The following NRBF2 variants were observed in gnomAD, a reference collection of about 807,000 sequenced individuals.
The protein encoded by NRBF2 is nuclear receptor binding factor 2, also known as nuclear receptor-binding factor 2.
A neutral mutation model predicts 28.5 loss-of-function variants in NRBF2; 12 were observed. The observed-to-expected ratio is 0.42, with a 90% CI of 0.27 to 0.68. The LOEUF (loss-of-function observed/expected upper bound fraction) is 0.68, where lower values mean the gene tolerates loss of function less well. Ranked by LOEUF, NRBF2 falls within the 30% of genes least tolerant of loss-of-function variation. NRBF2 has a pLI of 0.24. For missense variants in NRBF2, 274 were observed against 333.5 expected, an observed-to-expected ratio of 0.82 and a Z score of 1.39; for synonymous variants, 102 against 116.5, an observed-to-expected ratio of 0.88 and a Z score of 0.80.
chr10:63,138,554 C>T (rs1440063455), intron 1 of NRBF2, among the ~76,000 whole-genome samples: 7 of 150,462 alleles, frequency 4.7e-5, no homozygotes, highest in Non-Finnish European at 1.0e-4. Context: ...ACCATTCTAG[C>T]TAACACGGTG....
At position 63,154,041 on chromosome 10, in the gene NRBF2, C is replaced by A. The variant is rs1379847941; in HGVS notation, c.687C>A (p.Ser229Arg). 1.2e-6 allele frequency: 2 copies of A among 1,612,836 alleles called. No individual in the cohort carries two copies. Among genetic ancestry groups the A allele is most frequent in the African/African-American group, 2.7e-5 (2 of 75,000 alleles). The change falls in exon 4 of 4, where the codon AGC becomes AGA. Residue 229 changes from serine (S) to arginine (R), a missense_variant. Coordinates refer to ENST00000277746, the MANE Select transcript of NRBF2 (RefSeq NM_030759.5). Reference protein sequence around the residue: ...ADFVETSELWSLPPHAETATA... With the variant: ...ADFVETSELWRLPPHAETATA... Reference sequence around the variant, plus strand: ...TTGTAGAAACGTCAGAGTTATGGAGCTTGCCACCACATGCAGAAACTGCTA... The same window carrying A: ...TTGTAGAAACGTCAGAGTTATGGAGATTGCCACCACATGCAGAAACTGCTA...
chr10:63,147,611 CTTT>C (rs56136949), intron 2 of NRBF2, among the ~76,000 whole-genome samples: 1 of 134,140 alleles, frequency 7.5e-6, no homozygotes, highest in Non-Finnish European at 1.6e-5. Flanking sequence ...TGCTCTCAGC[CTTT>C]TTTTTTTTTT....
intron 1 of NRBF2, among the ~76,000 whole-genome samples, chr10:63,138,326 A>C (rs1841405938): frequency 6.6e-6 from 1 of 151,738 alleles, no homozygotes; most frequent in African/African-American, 2.4e-5. Context: ...AAACAAAACA[A>C]AACAAAAATT....
At chr10:63,141,540 T>C (rs558933516) in intron 1 of NRBF2, among the ~76,000 whole-genome samples, 3 of 152,244 alleles carry the variant, frequency 2.0e-5, no homozygotes. Context: ...TATTGTCTTT[T>C]GTAGTACTTA....
At chr10:63,134,261 A>G (rs1841340617) in intron 1 of NRBF2, among the ~76,000 whole-genome samples, 1 of 152,180 alleles carries the variant, frequency 6.6e-6, no homozygotes. Flanking sequence ...ACAGAACCCC[A>G]CTAACAACGG....
At chr10:63,153,159 A>G (rs1430741943) in intron 3 of NRBF2, among the ~76,000 whole-genome samples, 3 of 152,228 alleles carry the variant, frequency 2.0e-5, no homozygotes, top group Admixed American at 2.0e-4. Flanking sequence ...TGCCTTTGAA[A>G]GTATAGAATC....
At chr10:63,136,204 C>T (rs1841375825) in intron 1 of NRBF2, among the ~76,000 whole-genome samples, 1 of 150,098 alleles carries the variant, frequency 6.7e-6, no homozygotes, top group Non-Finnish European at 1.5e-5. Context: ...GCGATCTGGG[C>T]TCACTGCAGC....
rs1337085587 is a variant in NRBF2, at chr10:63,147,383, C to T, written c.115+1090C>T. Among the ~76,000 whole-genome samples, 9 of 151,658 alleles carry T rather than the reference C, an allele frequency of 5.9e-5. No individual in the cohort carries two copies. The South Asian group carries it at 8.3e-4, about 14-fold the overall frequency. On this transcript the variant is annotated intron_variant, in intron 2 of 3. Coordinates refer to ENST00000277746, the MANE Select transcript of NRBF2 (RefSeq NM_030759.5). ...CGCCCAGGCTGGAGTGCAGTGGCAC[C>T]GTCTCAGCTCACTGCAACTTCCCGC...
chr10:63,151,412 A>T (rs538918828), intron 2 of NRBF2, among the ~76,000 whole-genome samples: 1 of 152,366 alleles, frequency 6.6e-6, no homozygotes, highest in South Asian at 2.1e-4. Flanking sequence ...ATACATAGAT[A>T]AGGACATCCA....
intron 1 of NRBF2, among the ~76,000 whole-genome samples, chr10:63,137,934 A>T (rs887291782): frequency 1.3e-5 from 2 of 152,150 alleles, no homozygotes; most frequent in Non-Finnish European, 2.9e-5. Context: ...CACGTTATGT[A>T]TATTTTTTAT....
chr10:63,148,736 A>G lies in NRBF2; in HGVS notation c.115+2443A>G, dbSNP rs796676972. ...TGTCTCTTGCCTTTTGAGGAAAGGTAGGATCTACTCTTGAGGTGGACAATG... is the reference window on the plus strand; with the variant it reads ...TGTCTCTTGCCTTTTGAGGAAAGGTGGGATCTACTCTTGAGGTGGACAATG... On this transcript the variant is annotated intron_variant, in intron 2 of 3. Transcript: ENST00000277746. Among the ~76,000 whole-genome samples the G allele has an allele frequency of 1.2e-4, 18 of 152,344 alleles. 1 individual carries two copies. Among genetic ancestry groups the G allele is most frequent in the African/African-American group, 4.3e-4 (18 of 41,578 alleles).
intron 1 of NRBF2, among the ~76,000 whole-genome samples, chr10:63,145,354 G>T (rs1387697781): frequency 6.6e-6 from 1 of 152,008 alleles, no homozygotes; most frequent in African/African-American, 2.4e-5. Context: ...GATTACAGGC[G>T]TGAGCCACTG....
intron 1 of NRBF2, among the ~76,000 whole-genome samples, 164 bp from the exon 2 acceptor site, chr10:63,146,045 G>C (rs1217151844): frequency 1.3e-5 from 2 of 152,204 alleles, no homozygotes; most frequent in Non-Finnish European, 2.9e-5. Context: ...TGCAGTTCTA[G>C]GCTCTACCCA....
At chr10:63,149,642 G>C (rs765044677) in intron 2 of NRBF2, among the ~76,000 whole-genome samples, 3 of 152,120 alleles carry the variant, frequency 2.0e-5, no homozygotes, top group Non-Finnish European at 4.4e-5. Flanking sequence ...CCACTTATAA[G>C]ATTTAAATGT....
intron 1 of NRBF2, 135 bp downstream of exon 1, chr10:63,133,635 GC>G: frequency 1.4e-6 from 1 of 703,844 alleles, no homozygotes; most frequent in South Asian, 1.6e-5. Flanking sequence ...GCTGTGAGGG[GC>G]TGCTAGGCAG....
intron 1 of NRBF2, among the ~76,000 whole-genome samples, chr10:63,140,772 C>T (rs555091767): frequency 3.3e-4 from 50 of 151,706 alleles, no homozygotes; most frequent in Non-Finnish European, 6.0e-4. Context: ...GCAATCTCGG[C>T]TCACCACAAC....
At chr10:63,148,182 A>T (rs1418819527) in intron 2 of NRBF2, among the ~76,000 whole-genome samples, 1 of 152,186 alleles carries the variant, frequency 6.6e-6, no homozygotes, top group Non-Finnish European at 1.5e-5. Context: ...TTGTAACCTA[A>T]TCCTTGTCTT....
At chr10:63,144,563 C>T (rs1841530439) in intron 1 of NRBF2, among the ~76,000 whole-genome samples, 1 of 151,926 alleles carries the variant, frequency 6.6e-6, no homozygotes, top group Non-Finnish European at 1.5e-5. Context: ...AACAGGTGCC[C>T]CCCACCACGC....
At chr10:63,135,370 A>T (rs533182649) in intron 1 of NRBF2, among the ~76,000 whole-genome samples, 2 of 152,300 alleles carry the variant, frequency 1.3e-5, no homozygotes, top group South Asian at 4.1e-4. Context: ...AGTTCTAGTT[A>T]GCTTCACATT....
Sources: allele counts gnomAD v4.1 joint callset (sites outside exome capture counted in the v4.1 genomes callset), GRCh38; gene constraint gnomAD v4.1.1; transcripts MANE v1.5; gene names NCBI Gene and HGNC (gene_info 2026-07-23, HGNC 2026-07-21).